The following FAM120B variants were observed in gnomAD, a reference collection of about 807,000 sequenced individuals.
The protein encoded by FAM120B is family with sequence similarity 120 member B, also known as constitutive coactivator of peroxisome proliferator-activated receptor gamma.
In FAM120B, 83 loss-of-function variants were observed where a neutral mutation model predicts 96.3. That is an observed-to-expected ratio of 0.86 (90% CI 0.72 to 1.03). FAM120B has a LOEUF of 1.03. Ranked by LOEUF, FAM120B falls within the 50% of genes least tolerant of loss-of-function variation. The probability of loss-of-function intolerance (pLI) is 0.00; values close to 1 mark genes in which losing one functional copy is unlikely to be tolerated. For missense variants in FAM120B, 1,027 were observed against 1,121.2 expected (o/e 0.92, Z 1.20); for synonymous variants, 407 against 402.7 (o/e 1.01, Z -0.13).
rs546652978 is a variant in FAM120B, at chr6:170,406,748, G to T, written c.*1997G>T. On this transcript the variant is annotated 3_prime_UTR_variant, in exon 11 of 11. Transcript: ENST00000476287. The stretch of plus-strand genomic sequence containing the variant: ...TTTTTGCTCATTTGAAACCCCTGCT[G>T]CTTCTAGATCTATTTCTTTGCACTT... 2 of 152,224 alleles carry T rather than the reference G, an allele frequency of 1.3e-5. No individual in the cohort carries two copies. The highest frequency in any genetic ancestry group is 4.8e-5 in the African/African-American group (2 of 41,538). 9.4% of individuals were successfully genotyped at this position (152,224 alleles called of 1,614,324 possible).
At chr6:170,401,175 T>A (rs1778562457) in intron 9 of FAM120B, among the ~76,000 whole-genome samples, 1 of 152,192 alleles carries the variant, frequency 6.6e-6, no homozygotes, top group South Asian at 2.1e-4. Flanking sequence ...CCTGTGTGCC[T>A]CTGCAGCAGA....
rs190313289 is a variant in FAM120B, at chr6:170,351,623, G to A, written c.2190+3300G>A. 1.6e-3 allele frequency among the ~76,000 whole-genome samples: 239 copies of A among 152,268 alleles called. 1 individual carries two copies. The highest frequency in any genetic ancestry group is 3.3e-3 in the Admixed American group (51 of 15,298). ...TCAGCAGAAACCCTACAAGCCAGAA[G>A]AGATTGAGTGCCAATACTCAACATT... On this transcript the variant is annotated intron_variant, in intron 5 of 10. Transcript: ENST00000476287.
At position 170,361,221 on chromosome 6, in the gene FAM120B, T is replaced by C. The variant is rs201078959; in HGVS notation, c.2283+2903T>C. On this transcript the variant is annotated intron_variant, in intron 6 of 10. Coordinates refer to ENST00000476287, the MANE Select transcript of FAM120B (RefSeq NM_032448.3). Reference sequence around the variant, plus strand: ...GTGTATATATATATATATATATATATATATATATATATATACACGTATATA... The same window carrying C: ...GTGTATATATATATATATATATATACATATATATATATATACACGTATATA... 1.5e-3 allele frequency among the ~76,000 whole-genome samples: 146 copies of C among 96,764 alleles called. 2 individuals carry two copies. The highest frequency in any genetic ancestry group is 5.2e-3 in the East Asian group (7 of 1,342). 63.5% of individuals were successfully genotyped at this position (96,764 alleles called of 152,430 possible).
upstream of FAM120B, chr6:170,290,869 G>C: frequency 1.5e-6 from 1 of 668,894 alleles, no homozygotes; most frequent in Non-Finnish European, 2.7e-6. This position sits in a 1 kb window ranked among gnomAD's most constrained non-coding sequence, Gnocchi z 4.7. Context: ...CGGCTGCCCG[G>C]GTTCCCCTGC....
chr6:170,312,537 T>C (rs1784649777), intron 1 of FAM120B, among the ~76,000 whole-genome samples: 1 of 152,220 alleles, frequency 6.6e-6, no homozygotes, highest in African/African-American at 2.4e-5. Flanking sequence ...CTGGAACTTT[T>C]CGTTTTATCA....
chr6:170,402,538 G>A (rs149416649), intron 9 of FAM120B, among the ~76,000 whole-genome samples: 15 of 152,344 alleles, frequency 9.8e-5, no homozygotes, highest in East Asian at 5.8e-4. Flanking sequence ...AGTGAAGCAC[G>A]CGTGACCAGG....
intron 6 of FAM120B, among the ~76,000 whole-genome samples, chr6:170,361,222 A>ACATATATATATACG (rs1329669151): frequency 4.4e-4 from 45 of 101,988 alleles, no homozygotes; most frequent in African/African-American, 1.4e-3. Context: ...ATATATATAT[A>ACATATATATATACG]TATATATATA....
chr6:170,406,184 T>C lies in FAM120B; in HGVS notation c.*1433T>C, dbSNP rs1177952284. ...ATGAGGAGTTAGAAGGCAAGCCCTCTGTGGGCAGCCGTCTTCCAGAAACCT... is the reference window on the plus strand; with the variant it reads ...ATGAGGAGTTAGAAGGCAAGCCCTCCGTGGGCAGCCGTCTTCCAGAAACCT... On this transcript the variant is annotated 3_prime_UTR_variant, in exon 11 of 11. Coordinates refer to ENST00000476287, the MANE Select transcript of FAM120B (RefSeq NM_032448.3). 6.6e-6 allele frequency: 1 copy of C among 152,236 alleles called. No homozygotes were observed. The highest frequency in any genetic ancestry group is 1.9e-4 in the East Asian group (1 of 5,202). 9.4% of individuals were successfully genotyped at this position (152,236 alleles called of 1,614,324 possible). A position where few individuals can be genotyped will look rare whatever the true frequency, so the allele number is the denominator to read the frequency against.
intron 4 of FAM120B, among the ~76,000 whole-genome samples, chr6:170,332,364 G>T (rs1786109828): frequency 6.6e-6 from 1 of 152,138 alleles, no homozygotes; most frequent in Non-Finnish European, 1.5e-5. Context: ...ACATCCAATT[G>T]CCTGTCAAGT....
rs1451223562 is a variant in FAM120B at position 170,323,120 on chromosome 6, G to A, written c.1776G>A (p.Val592=). The change falls in exon 3 of 11, where the codon GTG becomes GTA. Residue 592 remains valine (V), a synonymous_variant. Transcript: ENST00000476287. ...THHVQAESYL[V]YNIMSSGEIE... ...ACGTCCAAGCAGAAAGCTACCTGGT[G>A]TACAACATCATGAGCAGTGGAGAGA... 6.2e-7 allele frequency: 1 copy of A among 1,613,844 alleles called. No homozygotes were observed. Among genetic ancestry groups the A allele is most frequent in the East Asian group, 2.2e-5 (1 of 44,874 alleles).
chr6:170,373,875 A>C (rs922065043), intron 6 of FAM120B, among the ~76,000 whole-genome samples: 1 of 152,208 alleles, frequency 6.6e-6, no homozygotes, highest in African/African-American at 2.4e-5. Flanking sequence ...TTGATGCCGG[A>C]TATAAATGCC....
At chr6:170,316,287 C>T (rs1784897383) in intron 1 of FAM120B, among the ~76,000 whole-genome samples, 1 of 152,152 alleles carries the variant, frequency 6.6e-6, no homozygotes, top group Non-Finnish European at 1.5e-5. Flanking sequence ...TTAGTCACCT[C>T]ATGACTGCTG....
intron 6 of FAM120B, among the ~76,000 whole-genome samples, chr6:170,360,302 A>G (rs1051566217): frequency 7.9e-5 from 12 of 152,172 alleles, no homozygotes; most frequent in African/African-American, 2.9e-4. Context: ...TGAAGAAACC[A>G]AGATTTAAAT....
chr6:170,375,538 A>AC (rs1175190492), intron 6 of FAM120B, among the ~76,000 whole-genome samples: 1 of 152,198 alleles, frequency 6.6e-6, no homozygotes, highest in Non-Finnish European at 1.5e-5. Flanking sequence ...CCCTATAAAG[A>AC]CACTTCCACT....
chr6:170,359,925 T>C (rs1473172757), intron 6 of FAM120B, among the ~76,000 whole-genome samples: 1 of 152,138 alleles, frequency 6.6e-6, no homozygotes, highest in Non-Finnish European at 1.5e-5. Flanking sequence ...ATCAGTAGGT[T>C]AATGTGCATT....
At chr6:170,375,034 G>T (rs541366457) in intron 6 of FAM120B, among the ~76,000 whole-genome samples, 1 of 152,360 alleles carries the variant, frequency 6.6e-6, no homozygotes, top group South Asian at 2.1e-4. Context: ...ACAACCCACA[G>T]AAGTGGCATC....
At chr6:170,311,810 G>A (rs1583179127) in intron 1 of FAM120B, among the ~76,000 whole-genome samples, 1 of 152,224 alleles carries the variant, frequency 6.6e-6, no homozygotes, top group Non-Finnish European at 1.5e-5. Flanking sequence ...TATTGTTGAA[G>A]AGAGCTGAAT....
intron 6 of FAM120B, among the ~76,000 whole-genome samples, chr6:170,387,954 A>G (rs1790279137): frequency 6.6e-6 from 1 of 152,294 alleles, no homozygotes; most frequent in East Asian, 1.9e-4. Context: ...TTCTCGGCCT[A>G]GAGGTTCCTG....
At chr6:170,376,025 G>A (rs947053259) in intron 6 of FAM120B, among the ~76,000 whole-genome samples, 1 of 152,174 alleles carries the variant, frequency 6.6e-6, no homozygotes, top group Non-Finnish European at 1.5e-5. Context: ...CCAGATACAC[G>A]GGGAGCTGTA....
Sources: allele counts gnomAD v4.1 joint callset (sites outside exome capture counted in the v4.1 genomes callset), GRCh38; gene constraint gnomAD v4.1.1; non-coding constraint Gnocchi (gnomAD v3.1); transcripts MANE v1.5; gene names NCBI Gene and HGNC (gene_info 2026-07-23, HGNC 2026-07-21).